The following MED13 variants were observed in gnomAD, a reference collection of about 807,000 sequenced individuals.
MED13 encodes mediator of RNA polymerase II transcription subunit 13.
A neutral mutation model predicts 225.2 loss-of-function variants in MED13; 23 were observed. The observed-to-expected ratio is 0.10, with a 90% confidence interval of 0.07 to 0.14. The LOEUF (loss-of-function observed/expected upper bound fraction) is 0.14, where lower values mean the gene tolerates loss of function less well. MED13 is among the 10% of genes least tolerant of loss of function. The pLI is 1.00. For missense variants in MED13, 2,197 were observed against 2,594.5 expected, an observed-to-expected ratio of 0.85 and a Z score of 3.33; for synonymous variants, 942 against 889.2, an observed-to-expected ratio of 1.06 and a Z score of -1.06.
intron 1 of MED13, among the ~76,000 whole-genome samples, chr17:62,063,960 A>G (rs1005762851): frequency 1.3e-5 from 2 of 152,230 alleles, no homozygotes; most frequent in African/African-American, 4.8e-5. Context: ...CATTGAAAAG[A>G]AAAACATACT....
At chr17:62,044,742 A>C (rs1238355272) in intron 3 of MED13, among the ~76,000 whole-genome samples, 1 of 152,210 alleles carries the variant, frequency 6.6e-6, no homozygotes, top group Non-Finnish European at 1.5e-5. Context: ...TGCTCACTGC[A>C]ACCTCCACCT....
At chr17:61,952,136 G>T (rs914894147) in intron 27 of MED13, among the ~76,000 whole-genome samples, 3 of 151,988 alleles carry the variant, frequency 2.0e-5, no homozygotes, top group African/African-American at 7.2e-5. Flanking sequence ...CTCGTGATCC[G>T]CCTGCCTCAG....
intron 8 of MED13, among the ~76,000 whole-genome samples, chr17:62,019,552 C>T (rs2080617091): frequency 6.6e-6 from 1 of 152,038 alleles, no homozygotes; most frequent in East Asian, 1.9e-4. Context: ...CCCAAGTGTA[C>T]AAGGGATGTG....
In MED13 at chr17:61,955,425, A is replaced by T; in HGVS notation, c.5925T>A (p.Thr1975=). 6.3e-7 allele frequency: 1 copy of T among 1,585,360 alleles called. No homozygotes were observed. Among genetic ancestry groups the T allele is most frequent in the Non-Finnish European group, 8.5e-7 (1 of 1,170,388 alleles). Residue 1975 remains threonine, a synonymous_variant, in exon 26 of 30, where the codon ACT becomes ACA. Coordinates refer to ENST00000397786, the MANE Select transcript of MED13 (RefSeq NM_005121.3). Reference sequence around the variant, plus strand: ...CTAAATCCAAATTTTCAGTGGTATAAGTAGCTGAAGCTACTTGCACAGAAG... The same window carrying T: ...CTAAATCCAAATTTTCAGTGGTATATGTAGCTGAAGCTACTTGCACAGAAG... The part of the protein sequence containing the change: ...TSASVQVASA[T]YTTENLDLAF...
chr17:61,965,608 G>A, intron 19 of MED13, 140 bp from the exon 20 acceptor site: 1 of 772,586 alleles, frequency 1.3e-6, no homozygotes, highest in Non-Finnish European at 2.0e-6. Flanking sequence ...CTAATGGTGT[G>A]ACCTACACTT....
At chr17:61,951,637 T>C (rs759227773) in intron 27 of MED13, among the ~76,000 whole-genome samples, 7 of 152,232 alleles carry the variant, frequency 4.6e-5, no homozygotes, top group Non-Finnish European at 7.3e-5. Context: ...AAATGCAATA[T>C]TTAAAACCTC....
intron 16 of MED13, among the ~76,000 whole-genome samples, chr17:61,978,259 A>AT (rs1176407405): frequency 1.1e-4 from 15 of 136,486 alleles, no homozygotes; most frequent in Admixed American, 8.9e-4. Flanking sequence ...TATTTTTTTT[A>AT]TTTTTTTTCA....
chr17:62,021,550 G>GTT (rs1359246433), intron 8 of MED13, among the ~76,000 whole-genome samples: 2 of 152,244 alleles, frequency 1.3e-5, no homozygotes, highest in Non-Finnish European at 1.5e-5. Flanking sequence ...TCTATGTGCA[G>GTT]TTTTCCTATG....
At chr17:61,957,331 C>T (rs1432832523) in intron 23 of MED13, among the ~76,000 whole-genome samples, 1 of 151,772 alleles carries the variant, frequency 6.6e-6, no homozygotes, top group East Asian at 1.9e-4. Flanking sequence ...ACATGAGCCA[C>T]TGCGCCTGGC....
intron 17 of MED13, among the ~76,000 whole-genome samples, chr17:61,971,875 G>A (rs56086040): frequency 0.17 from 25,889 of 151,948 alleles, 2,819 homozygotes; most frequent in Admixed American, 0.3. Context: ...CGGAGGTTAC[G>A]GTGAGCCAAG....
chr17:62,039,445 G>C (rs542219707), intron 3 of MED13, among the ~76,000 whole-genome samples: 7 of 151,894 alleles, frequency 4.6e-5, no homozygotes, highest in Non-Finnish European at 8.8e-5. Flanking sequence ...ACCATGCCCA[G>C]CTAATTTTTG....
chr17:61,970,495 A>G (rs2080097399), intron 17 of MED13, among the ~76,000 whole-genome samples: 1 of 152,058 alleles, frequency 6.6e-6, no homozygotes, highest in South Asian at 2.1e-4. Context: ...AGACTGGGCA[A>G]GATGGCAAAA....
intron 18 of MED13, among the ~76,000 whole-genome samples, chr17:61,967,804 G>A (rs781215757): frequency 6.6e-6 from 1 of 152,056 alleles, no homozygotes; most frequent in Admixed American, 6.5e-5. Flanking sequence ...ATATCTATAT[G>A]CCCTCAATGT....
intron 9 of MED13, among the ~76,000 whole-genome samples, chr17:61,997,286 C>G (rs951718788): frequency 6.6e-6 from 1 of 152,096 alleles, no homozygotes; most frequent in Non-Finnish European, 1.5e-5. Context: ...CCAAATACGC[C>G]CCAGATTTAT....
At chr17:61,963,095 A>T in intron 20 of MED13, 124 bp from the exon 21 acceptor site, 1 of 695,738 alleles carries the variant, frequency 1.4e-6, no homozygotes, top group Non-Finnish European at 2.4e-6. Flanking sequence ...AAGCCTCTCT[A>T]AAAATGAAGG....
rs759759190 is a variant in MED13 at position 62,058,568 on chromosome 17, A to AC, written c.301+4498dup. ...GAAAGAAAGAAAGAAAAAAGCTGTA[A>AC]CCCCAAAGGAGTTTTATTCCCTAAT... On this transcript the variant is annotated intron_variant, in intron 2 of 29. Transcript: ENST00000397786. Among the ~76,000 whole-genome samples the AC allele has an allele frequency of 1.6e-4, 24 of 151,956 alleles. No individual in the cohort carries two copies. The East Asian group carries it at 4.6e-3, about 29-fold the overall frequency.
In MED13 at chr17:62,065,246, T is replaced by A; in HGVS notation, c.-41A>T. The A allele has an allele frequency of 8.0e-7, 1 of 1,244,490 alleles. No homozygotes were observed. The highest frequency in any genetic ancestry group is 1.1e-6 in the Non-Finnish European group (1 of 948,536). The allele number at this position is 1,244,490 out of a possible 1,614,324, so 77.1% of individuals were successfully genotyped here. A position where few individuals can be genotyped will look rare whatever the true frequency, so the allele number is the denominator to read the frequency against. On this transcript the variant is annotated 5_prime_UTR_variant, in exon 1 of 30. An upstream start codon of the reference 5' UTR is lost. Transcript: ENST00000397786. ...CCGCCGCCGGCGCCACAACCCACCATCCGCCATTACCGCCGCCTCCGACCA... is the reference window on the plus strand; with the variant it reads ...CCGCCGCCGGCGCCACAACCCACCAACCGCCATTACCGCCGCCTCCGACCA...
Position 62,011,020 on chromosome 17 carries a change from G to A in MED13, c.1497C>T (p.Ile499=), listed in dbSNP as rs530333821. The change falls in exon 9 of 30, where the codon ATC becomes ATT. Residue 499 remains isoleucine (I), a synonymous_variant. Transcript: ENST00000397786. ...DADSASQRLV[I]SAPDSQVRFS... is the part of the protein sequence containing the mutation. ...ATCTCACTTGACTGTCTGGAGCAGAGATCACAAGTCTTTGGCTGGCTGAAT... is the reference window on the plus strand; with the variant it reads ...ATCTCACTTGACTGTCTGGAGCAGAAATCACAAGTCTTTGGCTGGCTGAAT... 1 of 1,614,156 alleles carries A rather than the reference G, an allele frequency of 6.2e-7. No individual in the cohort carries two copies. The highest frequency in any genetic ancestry group is 8.5e-7 in the Non-Finnish European group (1 of 1,179,980).
At chr17:62,029,090 G>A (rs1364834753) in intron 8 of MED13, among the ~76,000 whole-genome samples, 1 of 152,152 alleles carries the variant, frequency 6.6e-6, no homozygotes, top group Non-Finnish European at 1.5e-5. Flanking sequence ...GAGGCCAGAA[G>A]TTTGAGGTTG....
Sources: allele counts gnomAD v4.1 joint callset (sites outside exome capture counted in the v4.1 genomes callset), GRCh38; gene constraint gnomAD v4.1.1; transcripts MANE v1.5; gene names NCBI Gene and HGNC (gene_info 2026-07-23, HGNC 2026-07-21).